HEATR4: variants seen among roughly 807,000 people sequenced by gnomAD.
HEATR4 encodes the protein HEAT repeat-containing protein 4.
HEATR4 carries 95 observed loss-of-function variants against 108.8 expected under a neutral mutation model. The ratio of observed to expected loss-of-function variants is 0.87; its 90% confidence interval spans 0.74 to 1.04. HEATR4 has a LOEUF of 1.04. Ranked by LOEUF, HEATR4 falls within the 50% of genes least tolerant of loss-of-function variation. The pLI is 0.00. For missense variants in HEATR4, 1,152 were observed against 1,253.8 expected (o/e 0.92, Z 1.23); for synonymous variants, 443 against 459.4 (o/e 0.96, Z 0.46).
chr14:73,510,140 C>T (rs921305127), intron 7 of HEATR4, among the ~76,000 whole-genome samples: 11 of 151,672 alleles, frequency 7.3e-5, no homozygotes, highest in African/African-American at 1.5e-4. Flanking sequence ...GGATTACAGA[C>T]GTGTGCCACC....
At position 73,538,611 on chromosome 14, in the gene HEATR4, C is replaced by CAAA. The variant is rs59948219; in HGVS notation, c.-151-8370_-151-8368dup. The stretch of plus-strand genomic sequence containing the variant: ...TGGGCAATAGAGTGAGACTCCGTCT[C>CAAA]AAAAAAAAAAAAAAAAAAAGGCATT... On this transcript the variant is annotated intron_variant, in intron 1 of 17. Transcript: ENST00000553558. Among the ~76,000 whole-genome samples the CAAA allele has an allele frequency of 5.5e-4, 15 of 27,230 alleles. 1 individual carries two copies. The highest frequency in any genetic ancestry group is 1.5e-3 in the African/African-American group (15 of 9,948). 17.9% of individuals were successfully genotyped at this position (27,230 alleles called of 152,430 possible). A position where few individuals can be genotyped will look rare whatever the true frequency, so the allele number is the denominator to read the frequency against.
At chr14:73,581,132 C>CTTTTTTTTTT in the HEATR4 span, 4 of 144,310 alleles carry the variant, frequency 2.8e-5, no homozygotes, top group Non-Finnish European at 3.0e-5. Flanking sequence ...TCACCTCACA[C>CTTTTTTTTTT]TTTTTTTTTT....
chr14:73,509,377 C>G lies in HEATR4; in HGVS notation c.1655G>C (p.Cys552Ser). 6.2e-7 allele frequency: 1 copy of G among 1,614,096 alleles called. No homozygotes were observed. The highest frequency in any genetic ancestry group is 1.7e-4 in the Middle Eastern group (1 of 6,060). Reference protein sequence around the residue: ...NAHVRMAAAICQYAIQSHNPL... With the variant: ...NAHVRMAAAISQYAIQSHNPL... The stretch of plus-strand genomic sequence containing the variant: ...ATTATGTGACTGTATGGCATATTGG[C>G]ATATTGCTGCTGCCATCCGCACATG... Residue 552 changes from cysteine to serine, a missense_variant, in exon 8 of 18, where the codon TGC (cysteine) becomes TCC (serine). Transcript: ENST00000553558.
Position 73,492,114 on chromosome 14 carries a change from C to T in HEATR4, c.2844+952G>A. On this transcript the variant is annotated intron_variant, in intron 17 of 17. Coordinates refer to ENST00000553558, the MANE Select transcript of HEATR4 (RefSeq NM_001220484.1). The surrounding 1 kb of genome is among the most constrained non-coding windows in gnomAD (Gnocchi z 4.9). ...CGTGTATACCGACCCCGAGTCCCAA[C>T]CGAGGAACTGGCTCTGACATCCAGC... is the stretch of plus-strand genomic sequence containing the variant. The T allele has an allele frequency of 2.5e-6, 4 of 1,613,936 alleles. No individual in the cohort carries two copies. The highest frequency in any genetic ancestry group is 3.4e-6 in the Non-Finnish European group (4 of 1,179,846).
At chr14:73,597,447 C>T in the HEATR4 span, among the ~76,000 whole-genome samples, 27,624 of 151,480 alleles carry the variant, frequency 0.18, 4,385 homozygotes, top group African/African-American at 0.43. Context: ...TGCAGTGGCA[C>T]GATCTCAGCT....
At chr14:73,593,607 T>G in the HEATR4 span, 21 of 1,231,102 alleles carry the variant, frequency 1.7e-5, no homozygotes, top group Non-Finnish European at 2.4e-5. Flanking sequence ...CCTCCTAAAG[T>G]GCTGAGATTA....
intron 7 of HEATR4, among the ~76,000 whole-genome samples, chr14:73,511,315 C>T (rs531487805): frequency 1.3e-5 from 2 of 151,682 alleles, no homozygotes; most frequent in African/African-American, 4.8e-5. Context: ...GAGTTCAAGA[C>T]CAGCCTGGCC....
In HEATR4 at chr14:73,498,306, C is replaced by T. The variant is rs1886223158; in HGVS notation, c.2395G>A (p.Asp799Asn). Residue 799 changes from aspartate to asparagine, a missense_variant, in exon 14 of 18, where the codon GAT becomes AAT. By Grantham distance (23) the Asp-to-Asn change is conservative. Coordinates refer to ENST00000553558, the MANE Select transcript of HEATR4 (RefSeq NM_001220484.1). ...QIGQVSPELT[D>N]LLLWAIHYEE... ...TAGTGGATAGCCCAGAGCAGAAGAT[C>T]CGTCAGCTCGGGACTTACTTGCCCA... 1 of 1,611,244 alleles carries T rather than the reference C, an allele frequency of 6.2e-7. No individual in the cohort carries two copies. Among genetic ancestry groups the T allele is most frequent in the Non-Finnish European group, 8.5e-7 (1 of 1,178,108 alleles).
chr14:73,511,367 G>A (rs1280167944), intron 7 of HEATR4, among the ~76,000 whole-genome samples: 1 of 151,180 alleles, frequency 6.6e-6, no homozygotes, highest in Non-Finnish European at 1.5e-5. Flanking sequence ...ACAAAAAAAT[G>A]AGCTGGGCAT....
the HEATR4 span, among the ~76,000 whole-genome samples, chr14:73,567,350 G>T: frequency 2.6e-5 from 4 of 152,110 alleles, no homozygotes; most frequent in South Asian, 6.2e-4. Flanking sequence ...GGTGAAGACC[G>T]CTGGGCTTCT....
chr14:73,504,162 C>T (rs1319977127), intron 10 of HEATR4, among the ~76,000 whole-genome samples: 2 of 151,318 alleles, frequency 1.3e-5, no homozygotes, highest in African/African-American at 4.9e-5. Flanking sequence ...ACTGCAACCT[C>T]CGCCTCCTGG....
the HEATR4 span, among the ~76,000 whole-genome samples, chr14:73,633,480 C>A: frequency 6.6e-6 from 1 of 152,270 alleles, no homozygotes; most frequent in East Asian, 1.9e-4. Context: ...AGTATCTCAT[C>A]GGAAACGTTT....
chr14:73,562,677 G>A (rs562013138), upstream of HEATR4, among the ~76,000 whole-genome samples: 305 of 151,888 alleles, frequency 2.0e-3, 3 homozygotes, highest in African/African-American at 7.0e-3. Flanking sequence ...GTCTATAAAC[G>A]GCCGCTCTGG....
intron 17 of HEATR4, chr14:73,491,054 C>T (rs1031803688): frequency 5.7e-6 from 9 of 1,588,988 alleles, no homozygotes; most frequent in Middle Eastern, 1.7e-4. Context: ...GCCGTTGAGG[C>T]GCGGGCGGCC....
At position 73,492,996 on chromosome 14, in the gene HEATR4, T is replaced by A; in HGVS notation, c.2844+70A>T. 2 of 1,492,004 alleles carry A rather than the reference T, an allele frequency of 1.3e-6. No individual in the cohort carries two copies. Among genetic ancestry groups the A allele is most frequent in the Non-Finnish European group, 1.8e-6 (2 of 1,126,266 alleles). 92.4% of individuals were successfully genotyped at this position (1,492,004 alleles called of 1,614,324 possible). A position where few individuals can be genotyped will look rare whatever the true frequency, so the allele number is the denominator to read the frequency against. On this transcript the variant is annotated intron_variant, in intron 17 of 17. Transcript: ENST00000553558. This position sits in a 1 kb window ranked among gnomAD's most constrained non-coding sequence, Gnocchi z 4.9. ...AGTAGTGATTCTCCGCTGCCACTGC[T>A]ACCTTTTTTTTTTTTTTTTCCTTAA...
chr14:73,612,294 G>A, the HEATR4 span, among the ~76,000 whole-genome samples: 42 of 152,224 alleles, frequency 2.8e-4, no homozygotes, highest in African/African-American at 9.9e-4. Flanking sequence ...CACCCACCTC[G>A]GCCTCCCAAA....
chr14:73,529,345 ACT>A, intron 2 of HEATR4, among the ~76,000 whole-genome samples: 1 of 108,508 alleles, frequency 9.2e-6, no homozygotes, highest in Non-Finnish European at 1.7e-5. Context: ...ACAGAGTGAG[ACT>A]CTGTCTCAAA....
At chr14:73,630,841 C>A in the HEATR4 span, among the ~76,000 whole-genome samples, 18 of 152,126 alleles carry the variant, frequency 1.2e-4, no homozygotes, top group African/African-American at 4.3e-4. Flanking sequence ...GGACTCAGAG[C>A]AGGGTGGCAG....
At chr14:73,605,930 T>C in the HEATR4 span, among the ~76,000 whole-genome samples, 1 of 152,112 alleles carries the variant, frequency 6.6e-6, no homozygotes, top group African/African-American at 2.4e-5. Flanking sequence ...TTGAGATACT[T>C]TGCAGACCCT....
Sources: gnomAD v4.1 joint callset for allele counts (sites outside exome capture counted in the v4.1 genomes callset) on GRCh38, gnomAD v4.1.1 for gene constraint, Gnocchi (gnomAD v3.1) non-coding constraint, MANE v1.5 for transcripts, NCBI Gene and HGNC (gene_info 2026-07-23, HGNC 2026-07-21) for gene names.